ATXN7L3: variants seen among roughly 807,000 people sequenced by gnomAD.
ATXN7L3 encodes the protein ataxin 7 like 3, also known as ataxin-7-like protein 3.
In ATXN7L3, 6 loss-of-function variants were observed where a neutral mutation model predicts 50.0. The ratio of observed to expected loss-of-function variants is 0.12; its 90% CI spans 0.07 to 0.24. ATXN7L3 has a LOEUF of 0.24. Ranked by LOEUF, ATXN7L3 falls within the 10% of genes least tolerant of loss-of-function variation. The pLI is 1.00. For missense variants in ATXN7L3, 322 were observed against 451.3 expected (o/e 0.71, Z 2.60); for synonymous variants, 198 against 165.8 (o/e 1.19, Z -1.49).
chr17:44,198,967 G>A (rs1482604932), intron 1 of ATXN7L3: 17 of 152,628 alleles, frequency 1.1e-4, no homozygotes, highest in Admixed American at 1.1e-3. Flanking sequence ...GCCTAGAGTG[G>A]GGTGGGGACT....
intron 6 of ATXN7L3, 137 bp downstream of exon 6, chr17:44,196,236 CCCTTCCCCACCCACACTCCCCCG>C: frequency 1.3e-6 from 1 of 768,486 alleles, no homozygotes; most frequent in Non-Finnish European, 2.1e-6. Context: ...TCCCCCACCC[CCCTTCCCCACCCACACTCCCCCG>C]CCCCGGACCC....
intron 5 of ATXN7L3, 115 bp downstream of exon 5, chr17:44,196,814 C>T (rs2144485275): frequency 4.5e-6 from 3 of 667,882 alleles, no homozygotes; most frequent in Non-Finnish European, 7.7e-6. Flanking sequence ...AAGGAAATCG[C>T]GTAACTACAC....
rs775927226 is a variant in ATXN7L3, at chr17:44,194,254, G to A, written c.*9C>T. 6.2e-7 allele frequency: 1 copy of A among 1,613,954 alleles called. No homozygotes were observed. The highest frequency in any genetic ancestry group is 8.5e-7 in the Non-Finnish European group (1 of 1,179,944). On this transcript the variant is annotated 3_prime_UTR_variant, in exon 13 of 13. Transcript: ENST00000587097. The stretch of plus-strand genomic sequence containing the variant: ...TCTGCTCAGCCAAAGGCTATCCCTT[G>A]CACCCAAGTCAGTTGATGTCATCAT...
At chr17:44,197,833 T>G in intron 2 of ATXN7L3, 103 bp from the exon 3 acceptor site, 1 of 1,567,930 alleles carries the variant, frequency 6.4e-7, no homozygotes, top group African/African-American at 1.4e-5. Context: ...AATCATGCTT[T>G]CTTTGCCATT....
At chr17:44,197,201 G>A (rs779607351) in intron 4 of ATXN7L3, 27 bp downstream of exon 4, 3 of 1,578,224 alleles carry the variant, frequency 1.9e-6, no homozygotes, top group Non-Finnish European at 2.6e-6. Context: ...ACAGGCTGCA[G>A]AGAACGGGCA....
Position 44,195,817 on chromosome 17 carries a change from T to C in ATXN7L3, c.535A>G (p.Asn179Asp). 6.2e-7 allele frequency: 1 copy of C among 1,611,138 alleles called. No individual in the cohort carries two copies. Among genetic ancestry groups the C allele is most frequent in the South Asian group, 1.1e-5 (1 of 90,608 alleles). Residue 179 changes from asparagine (N) to aspartate (D), a missense_variant, in exon 8 of 13, where the codon AAT becomes GAT. Transcript: ENST00000587097. ...ATACTCACCTTAAAAGGATCCGAAT[T>C]GCTAAGTTCCCCTGAAGAAGAAAAA... ...SLKHKNGELS[N>D]SDPFKYNNST...
chr17:44,194,649 G>A lies in ATXN7L3; in HGVS notation c.763C>T (p.Leu255=). ...SAVLPEVESS[L]DNDSFDMTDS... is the part of the protein sequence containing the mutation. ...GTCATGTCAAAGCTGTCATTATCCA[G>A]GGAGCTCTCGACCTCTGGAAGGACA... Residue 255 remains leucine (L), a synonymous_variant, in exon 12 of 13, where the codon CTG becomes TTG. Coordinates refer to ENST00000587097, the MANE Select transcript of ATXN7L3 (RefSeq NM_001382309.1). The A allele has an allele frequency of 3.7e-6, 6 of 1,614,116 alleles. No homozygotes were observed. Among genetic ancestry groups the A allele is most frequent in the Non-Finnish European group, 5.1e-6 (6 of 1,180,026 alleles).
At chr17:44,196,852 T>G in intron 5 of ATXN7L3, 77 bp downstream of exon 5, 1 of 974,912 alleles carries the variant, frequency 1.0e-6, no homozygotes, top group Non-Finnish European at 1.6e-6. Flanking sequence ...AGGCAACAAT[T>G]TGTGACCACT....
rs1416419136 is a variant in ATXN7L3 at position 44,194,818 on chromosome 17, G to A, written c.687C>T (p.His229=). ...MCTRSLRCPQ[H]TDEQRRTVRI... is the part of the protein sequence containing the mutation. ...GTACGGTTCGCCTCTGCTCATCTGT[G>A]TGCTGTGGGCAGCGCAGGGACCTGG... Residue 229 remains histidine (H), a synonymous_variant, in exon 11 of 13, where the codon CAC becomes CAT. Transcript: ENST00000587097. 1 of 1,614,164 alleles carries A rather than the reference G, an allele frequency of 6.2e-7. No homozygotes were observed.
At chr17:44,198,947 G>T (rs901901137) in intron 1 of ATXN7L3, 1 of 152,592 alleles carries the variant, frequency 6.6e-6, no homozygotes, top group African/African-American at 2.4e-5. Flanking sequence ...ACGAGTTTCA[G>T]GAGCTGCCGG....
At position 44,192,926 on chromosome 17, in the gene ATXN7L3, TCA is replaced by T. The variant is rs2055746916; in HGVS notation, c.*1335_*1336del. ...TGGCTCAGGGTCACCTCCACCCATG[TCA>T]GTCAGCTCTGCTCCCAGCCCAGGTC... On this transcript the variant is annotated 3_prime_UTR_variant, in exon 13 of 13. Coordinates refer to ENST00000587097, the MANE Select transcript of ATXN7L3 (RefSeq NM_001382309.1). 1 of 152,332 alleles carries T rather than the reference TCA, an allele frequency of 6.6e-6. No individual in the cohort carries two copies. Among genetic ancestry groups the T allele is most frequent in the South Asian group, 2.1e-4 (1 of 4,828 alleles). 9.4% of individuals were successfully genotyped at this position (152,332 alleles called of 1,614,324 possible). A position where few individuals can be genotyped will look rare whatever the true frequency, so the allele number is the denominator to read the frequency against.
chr17:44,194,959 G>A, intron 10 of ATXN7L3, 120 bp from the exon 11 acceptor site: 1 of 1,474,124 alleles, frequency 6.8e-7, no homozygotes, highest in Non-Finnish European at 9.4e-7. Flanking sequence ...TCCCCAGATT[G>A]TGGCCAAAGG....
intron 6 of ATXN7L3, 116 bp downstream of exon 6, chr17:44,196,280 C>T: frequency 9.7e-7 from 1 of 1,028,508 alleles, no homozygotes; most frequent in Non-Finnish European, 1.4e-6. Context: ...ACCAAAGACA[C>T]CCTCAAGCCC....
chr17:44,195,721 C>T, intron 8 of ATXN7L3, 79 bp downstream of exon 8: 1 of 1,483,572 alleles, frequency 6.7e-7, no homozygotes, highest in Non-Finnish European at 9.4e-7. Flanking sequence ...TGTCAGCATT[C>T]TGATCCCTAC....
Position 44,191,831 on chromosome 17 carries a change from C to T in ATXN7L3, c.*2432G>A, listed in dbSNP as rs776846289. 6 of 689,682 alleles carry T rather than the reference C, an allele frequency of 8.7e-6. No individual in the cohort carries two copies. Among genetic ancestry groups the T allele is most frequent in the Non-Finnish European group, 1.1e-5 (6 of 560,114 alleles). The allele number at this position is 689,682 out of a possible 1,614,324, so 42.7% of individuals were successfully genotyped here. On this transcript the variant is annotated 3_prime_UTR_variant, in exon 13 of 13. Transcript: ENST00000587097. ...ACCAACGGGAGATGCAGTTTATTTA[C>T]ACCAGCAGCCATGGGGGCAGAGGGA... is the stretch of plus-strand genomic sequence containing the variant.
intron 6 of ATXN7L3, 147 bp from the exon 7 acceptor site, chr17:44,196,226 T>TCCCCCCCCCCCCCAAACCC: frequency 1.4e-6 from 1 of 737,704 alleles, no homozygotes; most frequent in Non-Finnish European, 2.1e-6. Flanking sequence ...CCATGTGCCC[T>TCCCCCCCCCCCCCAAACCC]CCCCCACCCC....
intron 5 of ATXN7L3, 152 bp downstream of exon 5, chr17:44,196,777 C>CAAAAA (rs34885873): frequency 6.7e-4 from 159 of 237,510 alleles, no homozygotes; most frequent in East Asian, 1.9e-3. Flanking sequence ...GAATCCATCT[C>CAAAAA]AAAAAAAAAA....
At position 44,192,206 on chromosome 17, in the gene ATXN7L3, G is replaced by GT. The variant is rs1397336981; in HGVS notation, c.*2056_*2057insA. On this transcript the variant is annotated 3_prime_UTR_variant, in exon 13 of 13. Transcript: ENST00000587097. ...TAGCCCCTGTTCAACTACATGGTAGGGGGGGCACTCTCTCCCCAGAAGGAA... is the reference window on the plus strand; with the variant it reads ...TAGCCCCTGTTCAACTACATGGTAGGTGGGGGCACTCTCTCCCCAGAAGGAA... 2 of 152,016 alleles carry GT rather than the reference G, an allele frequency of 1.3e-5. No homozygotes were observed. Among genetic ancestry groups the GT allele is most frequent in the Non-Finnish European group, 1.5e-5 (1 of 68,020 alleles). The allele number at this position is 152,016 out of a possible 1,614,324, so 9.4% of individuals were successfully genotyped here. A position where few individuals can be genotyped will look rare whatever the true frequency, so the allele number is the denominator to read the frequency against.
chr17:44,197,339 T>G lies in ATXN7L3; in HGVS notation c.245A>C (p.Lys82Thr). ...FGQVFNQWKS[K>T]ECVCPNCSRS... ...ACTGCAATTGGGGCAAACACACTCCTTGCTCTTCCACTGGTTGAAAACCTG... is the reference window on the plus strand; with the variant it reads ...ACTGCAATTGGGGCAAACACACTCCGTGCTCTTCCACTGGTTGAAAACCTG... Residue 82 changes from lysine to threonine, a missense_variant, in exon 4 of 13, where the codon AAG becomes ACG. Coordinates refer to ENST00000587097, the MANE Select transcript of ATXN7L3 (RefSeq NM_001382309.1). The G allele has an allele frequency of 1.9e-6, 3 of 1,613,166 alleles. No homozygotes were observed. Among genetic ancestry groups the G allele is most frequent in the Non-Finnish European group, 2.5e-6 (3 of 1,179,418 alleles).
Sources: allele counts gnomAD v4.1 joint callset, GRCh38; gene constraint gnomAD v4.1.1; transcripts MANE v1.5; gene names NCBI Gene and HGNC (gene_info 2026-07-23, HGNC 2026-07-21).